Variants in SRPK2 observed in about 807,000 individuals in gnomAD.
SRPK2 encodes SFRS protein kinase 2.
SRPK2 carries 21 observed loss-of-function variants against 90.8 expected under a neutral mutation model. The observed-to-expected ratio is 0.23, with a 90% CI of 0.16 to 0.33. SRPK2 has a LOEUF of 0.33. Among genes scored for constraint, SRPK2 ranks in the 10% least tolerant of loss-of-function variants. The pLI, the probability that SRPK2 is intolerant of heterozygous loss-of-function variation, is 1.00. For missense variants in SRPK2, 620 were observed against 869.0 expected, an observed-to-expected ratio of 0.71 and a Z score of 3.60; for synonymous variants, 288 against 311.1, an observed-to-expected ratio of 0.93 and a Z score of 0.78.
rs960141818 is a variant in SRPK2, at chr7:105,210,629, T to C, written c.72-6844A>G. Among the ~76,000 whole-genome samples, 6 of 152,336 alleles carry C rather than the reference T, an allele frequency of 3.9e-5. No homozygotes were observed. In the East Asian group the frequency reaches 1.2e-3, roughly 29 times the overall value. ...TGACCCTCATCCATGTTAAATCTCC[T>C]GCTTCTCTTGAGTATGGGTAGATCT... On this transcript the variant is annotated intron_variant, in intron 2 of 15. Transcript: ENST00000393651.
At chr7:105,312,607 G>A (rs781366649) in intron 2 of SRPK2, among the ~76,000 whole-genome samples, 1 of 152,174 alleles carries the variant, frequency 6.6e-6, no homozygotes, top group Admixed American at 6.6e-5. Flanking sequence ...GCTGGCTGCA[G>A]ATAAAATCGT....
At chr7:105,376,410 A>G (rs1201491030) in intron 2 of SRPK2, among the ~76,000 whole-genome samples, 1 of 151,806 alleles carries the variant, frequency 6.6e-6, no homozygotes, top group East Asian at 1.9e-4. Flanking sequence ...ATCCCTATCC[A>G]TTGAAAACCT....
intron 2 of SRPK2, among the ~76,000 whole-genome samples, chr7:105,204,096 T>A (rs149353714): frequency 6.6e-6 from 1 of 152,212 alleles, no homozygotes; most frequent in Admixed American, 6.5e-5. Flanking sequence ...CTACCAATTC[T>A]GGGAAATTTA....
chr7:105,233,421 A>G (rs1799757515), intron 2 of SRPK2, among the ~76,000 whole-genome samples: 1 of 152,260 alleles, frequency 6.6e-6, no homozygotes, highest in Non-Finnish European at 1.5e-5. Flanking sequence ...TAACAACTGT[A>G]GAAGACAATA....
At chr7:105,178,028 C>CAAA (rs748165970) in intron 3 of SRPK2, among the ~76,000 whole-genome samples, 11 of 57,108 alleles carry the variant, frequency 1.9e-4, no homozygotes, top group African/African-American at 5.9e-4. Flanking sequence ...GACTCCGTCT[C>CAAA]AAAAAAAAAA....
intron 2 of SRPK2, among the ~76,000 whole-genome samples, chr7:105,265,294 T>C (rs1281013799): frequency 2.0e-5 from 3 of 151,220 alleles, no homozygotes; most frequent in Admixed American, 6.6e-5. Context: ...TAAACTATAA[T>C]ATAACAACTA....
intron 2 of SRPK2, among the ~76,000 whole-genome samples, chr7:105,285,353 C>T (rs1451990398): frequency 7.8e-6 from 1 of 128,996 alleles, no homozygotes; most frequent in Non-Finnish European, 1.5e-5. Context: ...CCACTGCACT[C>T]TAAACTGGGC....
intron 2 of SRPK2, among the ~76,000 whole-genome samples, chr7:105,315,467 T>C (rs1370660257): frequency 1.3e-5 from 2 of 152,236 alleles, no homozygotes; most frequent in East Asian, 3.8e-4. Flanking sequence ...AAGTGCTTAA[T>C]ACAAGACCTG....
chr7:105,310,727 G>A (rs879525853), intron 2 of SRPK2, among the ~76,000 whole-genome samples: 3 of 152,074 alleles, frequency 2.0e-5, no homozygotes, highest in Non-Finnish European at 4.4e-5. Flanking sequence ...CTACACTACT[G>A]CTATATATTT....
At chr7:105,298,652 G>T in intron 2 of SRPK2, 1 of 843,712 alleles carries the variant, frequency 1.2e-6, no homozygotes, top group Non-Finnish European at 1.4e-6. Flanking sequence ...AAATAAAAAG[G>T]CCCCATAGGA....
chr7:105,207,282 G>A (rs1056851312), intron 2 of SRPK2, among the ~76,000 whole-genome samples: 3 of 152,176 alleles, frequency 2.0e-5, no homozygotes, highest in African/African-American at 7.2e-5. Context: ...GACTACAGGT[G>A]TGTGCCACTG....
At chr7:105,245,039 ACAC>A (rs1198603273) in intron 2 of SRPK2, 5 of 262,864 alleles carry the variant, frequency 1.9e-5, no homozygotes, top group Admixed American at 6.5e-5. Flanking sequence ...AAACAAACAC[ACAC>A]ACACACACAC....
In SRPK2 at chr7:105,181,262, C is replaced by A. The variant is rs147216876; in HGVS notation, c.230-11997G>T. Among the ~76,000 whole-genome samples the A allele has an allele frequency of 5.1e-3, 771 of 152,280 alleles. 8 individuals are homozygous for A. Among genetic ancestry groups the A allele is most frequent in the African/African-American group, 0.018 (734 of 41,562 alleles). ...GAGAAAAGGGAATGCTTATACTCTG[C>A]AGGTGGGAGTGTAAATTAGTTCAGC... On this transcript the variant is annotated intron_variant, in intron 3 of 15. Coordinates refer to ENST00000393651, the MANE Select transcript of SRPK2 (RefSeq NM_182692.3).
intron 2 of SRPK2, among the ~76,000 whole-genome samples, chr7:105,283,169 TTC>T (rs1807569617): frequency 1.3e-5 from 2 of 152,172 alleles, no homozygotes; most frequent in African/African-American, 4.8e-5. Context: ...GACAGAGAAT[TTC>T]GAGACTTCAG....
intron 2 of SRPK2, among the ~76,000 whole-genome samples, chr7:105,246,174 A>G (rs1277436296): frequency 6.6e-6 from 1 of 152,192 alleles, no homozygotes; most frequent in Non-Finnish European, 1.5e-5. Flanking sequence ...TTTCAAAGAT[A>G]TTTATGATGT....
rs150700409 is a variant in SRPK2, at chr7:105,398,924, G to T, written n.153+232C>A. Reference sequence around the variant, plus strand: ...ACCTACCCTACAAATTTGTTGTGAGGATTTAATGAGTTAATTCCCATAAAA... The same window carrying T: ...ACCTACCCTACAAATTTGTTGTGAGTATTTAATGAGTTAATTCCCATAAAA... On this transcript the variant is annotated intron_variant and non_coding_transcript_variant, in intron 1 of 3. Transcript: ENST00000462282. Among the ~76,000 whole-genome samples, 371 of 152,236 alleles carry T rather than the reference G, an allele frequency of 2.4e-3. 3 individuals carry two copies. Among genetic ancestry groups the T allele is most frequent in the African/African-American group, 8.5e-3 (353 of 41,536 alleles).
chr7:105,172,368 A>G (rs1290619453), intron 3 of SRPK2, among the ~76,000 whole-genome samples: 1 of 152,244 alleles, frequency 6.6e-6, no homozygotes, highest in Non-Finnish European at 1.5e-5. Flanking sequence ...GGGAGTAGGA[A>G]GGAAGAAGGG....
intron 2 of SRPK2, among the ~76,000 whole-genome samples, chr7:105,222,911 G>A (rs1006356393): frequency 1.3e-5 from 2 of 152,196 alleles, no homozygotes; most frequent in Non-Finnish European, 2.9e-5. Flanking sequence ...ACTCTAGTAT[G>A]TGGTAAGAAT....
rs1554509977 is a variant in SRPK2 at position 105,324,010 on chromosome 7, T to TGG, written c.71+64637_71+64638insCC. On this transcript the variant is annotated intron_variant, in intron 2 of 15. Coordinates refer to ENST00000393651, the MANE Select transcript of SRPK2 (RefSeq NM_182692.3). ...GTGTGTGTGTGTGTGTGTGTGTGTG[T>TGG]GTGTGTGGTGGAGTCTCACATTGTC... Among the ~76,000 whole-genome samples, 7 of 148,972 alleles carry TGG rather than the reference T, an allele frequency of 4.7e-5. No individual in the cohort carries two copies. In the South Asian group the frequency reaches 8.8e-4, roughly 19 times the overall value.
Sources: gnomAD v4.1 joint callset for allele counts (sites outside exome capture counted in the v4.1 genomes callset) on GRCh38, gnomAD v4.1.1 for gene constraint, MANE v1.5 for transcripts, NCBI Gene and HGNC (gene_info 2026-07-23, HGNC 2026-07-21) for gene names.